Variants in SNTG1 observed in about 807,000 individuals in gnomAD.
The protein encoded by SNTG1 is syntrophin gamma 1.
SNTG1 carries 39 observed loss-of-function variants against 74.7 expected under a neutral mutation model. The ratio of observed to expected loss-of-function variants is 0.52; its 90% confidence interval spans 0.40 to 0.68. The LOEUF is 0.68. Ranked by LOEUF, SNTG1 falls within the 30% of genes least tolerant of loss-of-function variation. The probability of loss-of-function intolerance (pLI) is 0.00; values close to 1 mark genes in which losing one functional copy is unlikely to be tolerated. For synonymous variants in SNTG1, 254 were observed against 217.1 expected, an observed-to-expected ratio of 1.17 and a Z score of -1.49; for missense variants, 685 against 609.5, an observed-to-expected ratio of 1.12 and a Z score of -1.30.
chr8:50,608,562 C>A (rs2094829269), intron 13 of SNTG1, among the ~76,000 whole-genome samples: 1 of 151,698 alleles, frequency 6.6e-6, no homozygotes, highest in Non-Finnish European at 1.5e-5. Context: ...ATTTTCTAAT[C>A]TTTTAGCTTC....
intron 13 of SNTG1, among the ~76,000 whole-genome samples, chr8:50,602,031 T>C (rs2094778709): frequency 6.6e-6 from 1 of 152,242 alleles, no homozygotes; most frequent in African/African-American, 2.4e-5. Context: ...GTGTTTACAT[T>C]AAGCAACAGA....
chr8:50,274,086 T>C (rs1011689806), intron 2 of SNTG1, among the ~76,000 whole-genome samples: 6 of 152,000 alleles, frequency 3.9e-5, no homozygotes, highest in African/African-American at 1.4e-4. Flanking sequence ...GTTTTTGTTG[T>C]TGTTGTTGTT....
intron 1 of SNTG1, among the ~76,000 whole-genome samples, chr8:49,979,136 C>A (rs1048042547): frequency 1.3e-5 from 2 of 152,228 alleles, no homozygotes; most frequent in African/African-American, 4.8e-5. Flanking sequence ...GTGTAACTAG[C>A]AGGCGGGGAA....
intron 4 of SNTG1, among the ~76,000 whole-genome samples, chr8:50,425,165 C>T (rs527522366): frequency 6.6e-6 from 1 of 151,920 alleles, no homozygotes; most frequent in South Asian, 2.1e-4. Context: ...GAGATAAGGG[C>T]AAAAAGGGAT....
chr8:50,432,109 CA>C (rs2093243686), intron 4 of SNTG1, among the ~76,000 whole-genome samples: 1 of 152,146 alleles, frequency 6.6e-6, no homozygotes, highest in African/African-American at 2.4e-5. Flanking sequence ...CCAAAAATCA[CA>C]TGGGTTTTCT....
intron 17 of SNTG1, among the ~76,000 whole-genome samples, chr8:50,741,829 T>C (rs2095544119): frequency 1.3e-5 from 2 of 152,118 alleles, no homozygotes; most frequent in South Asian, 2.1e-4. Flanking sequence ...ACTGTGAAGA[T>C]GGTAAAAGAC....
intron 13 of SNTG1, among the ~76,000 whole-genome samples, chr8:50,641,533 G>C (rs765469675): frequency 6.6e-6 from 1 of 152,156 alleles, no homozygotes; most frequent in African/African-American, 2.4e-5. Context: ...CATTTAGAGA[G>C]AGCCTATTTA....
At chr8:50,510,704 G>C (rs998334664) in intron 9 of SNTG1, among the ~76,000 whole-genome samples, 2 of 152,182 alleles carry the variant, frequency 1.3e-5, no homozygotes, top group African/African-American at 2.4e-5. Context: ...TTTTTGCGTA[G>C]AGGTGTTTAT....
At chr8:50,129,433 G>T (rs752943010) in intron 1 of SNTG1, among the ~76,000 whole-genome samples, 5 of 152,070 alleles carry the variant, frequency 3.3e-5, no homozygotes, top group African/African-American at 1.2e-4. Flanking sequence ...CACCCTCAGA[G>T]GACCCCAAAT....
intron 1 of SNTG1, among the ~76,000 whole-genome samples, chr8:50,059,534 C>G (rs1820302077): frequency 6.6e-6 from 1 of 152,066 alleles, no homozygotes; most frequent in South Asian, 2.1e-4. Flanking sequence ...ATACCACTAA[C>G]CTACTTTCTG....
chr8:49,965,608 T>C (rs1811066732), intron 1 of SNTG1, among the ~76,000 whole-genome samples: 1 of 152,216 alleles, frequency 6.6e-6, no homozygotes, highest in Admixed American at 6.5e-5. Flanking sequence ...GGGTTGCTTT[T>C]AGCTGCTTAA....
intron 2 of SNTG1, among the ~76,000 whole-genome samples, chr8:50,368,348 TC>T (rs1252085416): frequency 1.3e-5 from 2 of 152,160 alleles, no homozygotes; most frequent in South Asian, 2.1e-4. Flanking sequence ...GCTTGGGTCC[TC>T]CTTAAGGCAA....
chr8:50,073,592 G>C (rs954239717), intron 1 of SNTG1, among the ~76,000 whole-genome samples: 23 of 151,974 alleles, frequency 1.5e-4, no homozygotes, highest in Admixed American at 6.6e-5. Flanking sequence ...AATTTACTTT[G>C]CCAAAATCCA....
chr8:50,527,358 T>A (rs923490982), intron 9 of SNTG1, among the ~76,000 whole-genome samples: 4 of 152,124 alleles, frequency 2.6e-5, no homozygotes, highest in Admixed American at 6.5e-5. Context: ...TGTTTTTGTA[T>A]CCTCTCTAAG....
intron 6 of SNTG1, 31 bp from the exon 7 acceptor site, chr8:50,450,525 T>A (rs1297294206): frequency 6.2e-7 from 1 of 1,611,054 alleles, no homozygotes; most frequent in Non-Finnish European, 8.5e-7. Flanking sequence ...AAACAGTCAA[T>A]GCATTATCAA....
At chr8:49,997,553 C>A (rs898212967) in intron 1 of SNTG1, among the ~76,000 whole-genome samples, 5 of 152,036 alleles carry the variant, frequency 3.3e-5, no homozygotes, top group Admixed American at 6.6e-5. Context: ...TTTAAGGTTA[C>A]CACCAAGCCT....
At chr8:50,549,398 A>G (rs935572618) in intron 11 of SNTG1, among the ~76,000 whole-genome samples, 5 of 152,106 alleles carry the variant, frequency 3.3e-5, no homozygotes, top group Non-Finnish European at 7.4e-5. Flanking sequence ...AGTGATAATG[A>G]AATCAAGTAA....
intron 1 of SNTG1, among the ~76,000 whole-genome samples, chr8:50,153,267 A>G (rs1166627938): frequency 6.6e-6 from 1 of 152,148 alleles, no homozygotes; most frequent in Non-Finnish European, 1.5e-5. Flanking sequence ...AGGTCATTTA[A>G]GGACTTCTCT....
At chr8:50,758,445 T>A (rs1021294464) in intron 18 of SNTG1, among the ~76,000 whole-genome samples, 1 of 152,016 alleles carries the variant, frequency 6.6e-6, no homozygotes, top group Non-Finnish European at 1.5e-5. Context: ...AAGTTAGGTA[T>A]TCCTGCTAAT....
Sources: allele counts gnomAD v4.1 joint callset (sites outside exome capture counted in the v4.1 genomes callset), GRCh38; gene constraint gnomAD v4.1.1; transcripts MANE v1.5; gene names NCBI Gene and HGNC (gene_info 2026-07-23, HGNC 2026-07-21).